The following MAST2 variants were observed in gnomAD, a reference collection of about 807,000 sequenced individuals.
MAST2 encodes microtubule associated serine/threonine kinase 2.
MAST2 carries 70 observed loss-of-function variants against 147.4 expected under a neutral mutation model. That is an observed-to-expected ratio of 0.47 (90% CI 0.39 to 0.58). The LOEUF (loss-of-function observed/expected upper bound fraction) is 0.58, where lower values mean the gene tolerates loss of function less well. Ranked by LOEUF, MAST2 falls within the 20% of genes least tolerant of loss-of-function variation. MAST2 has a pLI of 0.00. For synonymous variants in MAST2, 869 were observed against 896.8 expected (o/e 0.97, Z 0.55); for missense variants, 2,080 against 2,302.3 (o/e 0.90, Z 1.98).
chr1:45,959,849 C>T (rs1660156466), intron 5 of MAST2, among the ~76,000 whole-genome samples: 1 of 152,174 alleles, frequency 6.6e-6, no homozygotes, highest in Non-Finnish European at 1.5e-5. Context: ...TTAGGGCTCA[C>T]AGAGAGGGTT....
At chr1:45,998,774 C>T (rs1288996251) in intron 6 of MAST2, among the ~76,000 whole-genome samples, 2 of 151,574 alleles carry the variant, frequency 1.3e-5, no homozygotes, top group Admixed American at 6.6e-5. Flanking sequence ...GTCACCCAGG[C>T]TGGAGTGCTG....
At chr1:45,814,845 C>G (rs1478177510) in intron 1 of MAST2, among the ~76,000 whole-genome samples, 1 of 152,140 alleles carries the variant, frequency 6.6e-6, no homozygotes, top group African/African-American at 2.4e-5. Flanking sequence ...TTAAACTGTT[C>G]TTTTATTTTA....
chr1:46,025,326 T>A (rs552873526), intron 15 of MAST2, among the ~76,000 whole-genome samples: 2 of 149,876 alleles, frequency 1.3e-5, no homozygotes, highest in Admixed American at 1.3e-4. Context: ...CTCAAAAAAA[T>A]AAATAAATAA....
chr1:45,889,148 C>T (rs577501823), intron 4 of MAST2, among the ~76,000 whole-genome samples: 1 of 152,056 alleles, frequency 6.6e-6, no homozygotes, highest in Admixed American at 6.6e-5. Context: ...TTTTAAAATG[C>T]GGATTTCATT....
chr1:45,967,955 A>C (rs1253392296), intron 5 of MAST2, among the ~76,000 whole-genome samples: 1 of 152,204 alleles, frequency 6.6e-6, no homozygotes, highest in African/African-American at 2.4e-5. Context: ...AAGCATACCT[A>C]ATCACATACA....
intron 4 of MAST2, among the ~76,000 whole-genome samples, chr1:45,927,961 T>C (rs961976062): frequency 6.6e-6 from 1 of 152,210 alleles, no homozygotes; most frequent in Non-Finnish European, 1.5e-5. Flanking sequence ...CCGGTCCCTC[T>C]GTTTGGGGTC....
chr1:45,947,907 A>G (rs1324369152), intron 4 of MAST2, among the ~76,000 whole-genome samples: 2 of 152,116 alleles, frequency 1.3e-5, no homozygotes, highest in Non-Finnish European at 2.9e-5. Context: ...TAGTAGAGAC[A>G]GGGTTTCATC....
chr1:45,852,466 A>T (rs1003093177), intron 3 of MAST2, among the ~76,000 whole-genome samples: 2 of 151,288 alleles, frequency 1.3e-5, no homozygotes, highest in Non-Finnish European at 2.9e-5. Flanking sequence ...GTCTCAGGTG[A>T]TCCTCCTGCC....
rs1405016674 is a variant in MAST2 at position 45,839,374 on chromosome 1, C to T, written c.468+9793C>T. Among the ~76,000 whole-genome samples, 8 of 152,200 alleles carry T rather than the reference C, an allele frequency of 5.3e-5. No homozygotes were observed. In the South Asian group the frequency reaches 6.2e-4, roughly 12 times the overall value. The stretch of plus-strand genomic sequence containing the variant: ...CAAACTCCTGACCTCGTGATCTGCC[C>T]GCCTCAGCCTCCCAAAGTGCTGAGA... On this transcript the variant is annotated intron_variant, in intron 3 of 28. Coordinates refer to ENST00000361297, the MANE Select transcript of MAST2 (RefSeq NM_015112.3).
At chr1:46,004,066 A>G (rs138180235) in intron 7 of MAST2, among the ~76,000 whole-genome samples, 64 of 152,210 alleles carry the variant, frequency 4.2e-4, no homozygotes, top group Non-Finnish European at 7.9e-4. Context: ...TTTCTCTAAT[A>G]AACATTCCCC....
intron 3 of MAST2, among the ~76,000 whole-genome samples, chr1:45,874,465 T>C (rs1646518100): frequency 6.6e-6 from 1 of 152,222 alleles, no homozygotes; most frequent in African/African-American, 2.4e-5. Flanking sequence ...CAGGAGACTG[T>C]CAGTAAATAA....
intron 1 of MAST2, among the ~76,000 whole-genome samples, chr1:45,819,530 C>T (rs1264887317): frequency 1.3e-5 from 2 of 152,106 alleles, no homozygotes; most frequent in Admixed American, 1.3e-4. Context: ...AAAGTCAACA[C>T]ACAGAGATCA....
chr1:45,915,641 C>T (rs1358976495), intron 4 of MAST2, among the ~76,000 whole-genome samples: 3 of 147,326 alleles, frequency 2.0e-5, no homozygotes, highest in Admixed American at 6.9e-5. Context: ...ACCTGGGAGG[C>T]GGAACTTGCA....
intron 1 of MAST2, among the ~76,000 whole-genome samples, chr1:45,808,015 CT>C (rs1489363105): frequency 1.3e-5 from 2 of 152,026 alleles, no homozygotes; most frequent in African/African-American, 4.8e-5. Context: ...TCACACGTAA[CT>C]TTTTTTTCCC....
chr1:46,032,124 A>G, intron 24 of MAST2, 54 bp from the exon 25 acceptor site: 1 of 1,369,462 alleles, frequency 7.3e-7, no homozygotes, highest in Non-Finnish European at 1.0e-6. Flanking sequence ...AGACTGGACC[A>G]GGGGCCAGGC....
chr1:45,855,599 CTT>C (rs1002818058), intron 3 of MAST2, among the ~76,000 whole-genome samples: 1 of 147,438 alleles, frequency 6.8e-6, no homozygotes, highest in Non-Finnish European at 1.5e-5. Context: ...TGAGATGAAA[CTT>C]TTTTTTTTGC....
chr1:46,019,569 A>G, intron 10 of MAST2, 27 bp from the exon 11 acceptor site: 3 of 1,598,144 alleles, frequency 1.9e-6, no homozygotes, highest in Non-Finnish European at 2.6e-6. Context: ...GGGCCAATAG[A>G]TTAAGCAACG....
At chr1:45,827,851 C>G (rs539250810) in intron 2 of MAST2, among the ~76,000 whole-genome samples, 1 of 152,116 alleles carries the variant, frequency 6.6e-6, no homozygotes, top group South Asian at 2.1e-4. Context: ...TTTGAGACAG[C>G]TTCTCATTCT....
rs182384853 is a variant in MAST2, at chr1:45,861,034, A to G, written c.469-21330A>G. The stretch of plus-strand genomic sequence containing the variant: ...CGTAACTCTAGGTAACCTCCTCACT[A>G]CAACCTGATAATTTTTTTAGCTTCC... On this transcript the variant is annotated intron_variant, in intron 3 of 28. Coordinates refer to ENST00000361297, the MANE Select transcript of MAST2 (RefSeq NM_015112.3). Among the ~76,000 whole-genome samples the G allele has an allele frequency of 9.9e-5, 15 of 152,248 alleles. No individual in the cohort carries two copies. The East Asian group carries it at 2.9e-3, about 29-fold the overall frequency.
Sources: gnomAD v4.1 joint callset for allele counts (sites outside exome capture counted in the v4.1 genomes callset) on GRCh38, gnomAD v4.1.1 for gene constraint, MANE v1.5 for transcripts, NCBI Gene and HGNC (gene_info 2026-07-23, HGNC 2026-07-21) for gene names.